The following TNS1 variants were observed in gnomAD, a reference collection of about 807,000 sequenced individuals.
TNS1 encodes the protein tensin-1.
TNS1 carries 62 observed loss-of-function variants against 168.6 expected under a neutral mutation model. The observed-to-expected ratio is 0.37, with a 90% confidence interval of 0.30 to 0.45. TNS1 has a LOEUF of 0.45. Among genes scored for constraint, TNS1 ranks in the 20% least tolerant of loss-of-function variants. TNS1 has a pLI of 1.00. For synonymous variants in TNS1, 934 were observed against 933.2 expected (o/e 1.00, Z -0.02); for missense variants, 2,240 against 2,339.4 (o/e 0.96, Z 0.88).
intron 19 of TNS1, among the ~76,000 whole-genome samples, chr2:217,840,940 G>A (rs1945866385): frequency 6.6e-6 from 1 of 152,194 alleles, no homozygotes; most frequent in South Asian, 2.1e-4. Context: ...AGACAGGAGG[G>A]AGAGAGGGCT....
rs960544417 is a variant in TNS1 at position 217,803,402 on chromosome 2, G to A, written c.*1057C>T. ...TGAAACCCAATAACAAGGCTGAGAG[G>A]TGGGAGCTAAGGCAGAGTCCAGGGC... On this transcript the variant is annotated 3_prime_UTR_variant, in exon 33 of 33. Transcript: ENST00000682258. The A allele has an allele frequency of 6.6e-6, 1 of 152,332 alleles. No homozygotes were observed. The highest frequency in any genetic ancestry group is 1.5e-5 in the Non-Finnish European group (1 of 68,152). 9.4% of individuals were successfully genotyped at this position (152,332 alleles called of 1,614,324 possible). A position where few individuals can be genotyped will look rare whatever the true frequency, so the allele number is the denominator to read the frequency against.
At chr2:217,957,535 G>A (rs1957395548) in intron 3 of TNS1, among the ~76,000 whole-genome samples, 1 of 152,152 alleles carries the variant, frequency 6.6e-6, no homozygotes, top group Non-Finnish European at 1.5e-5. Flanking sequence ...GAAGATGGTG[G>A]CAATGATATA....
In TNS1 at chr2:217,894,993, GC is replaced by G. The variant is rs1952130890; in HGVS notation, c.594+12del. 1.9e-6 allele frequency: 3 copies of G among 1,612,538 alleles called. No individual in the cohort carries two copies. Among genetic ancestry groups the G allele is most frequent in the Non-Finnish European group, 2.5e-6 (3 of 1,179,472 alleles). On this transcript the variant is annotated intron_variant, in intron 9 of 32. Transcript: ENST00000682258. ...CCTTCTCCTCCCCTACCCCAAAACA[GC>G]CCCTGGCTCACCTTGGCATGGAGCT...
intron 3 of TNS1, among the ~76,000 whole-genome samples, chr2:217,973,297 C>T (rs144839047): frequency 0.013 from 1,953 of 147,680 alleles, 48 homozygotes; most frequent in African/African-American, 0.045. Flanking sequence ...GCCCATGAAA[C>T]TGAGGCTGCA....
chr2:217,827,315 C>T (rs1274191586), intron 22 of TNS1, among the ~76,000 whole-genome samples: 3 of 152,172 alleles, frequency 2.0e-5, no homozygotes, highest in Non-Finnish European at 4.4e-5. Flanking sequence ...TTCCCCAAGC[C>T]GAATAATCCT....
chr2:217,919,818 C>T (rs559253793), intron 4 of TNS1, among the ~76,000 whole-genome samples: 1 of 152,282 alleles, frequency 6.6e-6, no homozygotes, highest in African/African-American at 2.4e-5. Context: ...TGAGGGTCAT[C>T]CCCCGCCTCC....
At chr2:217,891,804 C>T (rs1384175871) in intron 11 of TNS1, among the ~76,000 whole-genome samples, 1 of 152,142 alleles carries the variant, frequency 6.6e-6, no homozygotes, top group East Asian at 1.9e-4. Flanking sequence ...TCCCATCCTT[C>T]CTCTTCTCTC....
intron 3 of TNS1, among the ~76,000 whole-genome samples, chr2:217,961,773 T>C (rs1957503190): frequency 6.6e-6 from 1 of 152,122 alleles, no homozygotes; most frequent in Admixed American, 6.5e-5. Context: ...TTTTGCTGAG[T>C]GTGATGATGA....
At chr2:217,971,577 G>A (rs896759468) in intron 3 of TNS1, among the ~76,000 whole-genome samples, 3 of 152,130 alleles carry the variant, frequency 2.0e-5, no homozygotes, top group Admixed American at 6.5e-5. Context: ...TACTTCTCTC[G>A]GATAAATATC....
chr2:217,897,549 AGCACACACAT>A (rs1469057944), intron 8 of TNS1, among the ~76,000 whole-genome samples: 4 of 152,224 alleles, frequency 2.6e-5, no homozygotes, highest in Non-Finnish European at 5.9e-5. Context: ...TCTCCTGGCC[AGCACACACAT>A]GCACACACAG....
chr2:218,010,083 T>C lies in TNS1; in HGVS notation c.96+17A>G, dbSNP rs1958692365. 1.0e-5 allele frequency: 4 copies of C among 397,294 alleles called. No homozygotes were observed. In the South Asian group the frequency reaches 5.1e-4, roughly 51 times the overall value. 24.6% of individuals were successfully genotyped at this position (397,294 alleles called of 1,614,324 possible). On this transcript the variant is annotated intron_variant, in intron 1 of 32. Transcript: ENST00000646520. ...GGGGGGGGTCGGAAGGGGCCAGGTGTGGCCGAGAGCATTTACCTGGCTGCG... is the reference window on the plus strand; with the variant it reads ...GGGGGGGGTCGGAAGGGGCCAGGTGCGGCCGAGAGCATTTACCTGGCTGCG...
chr2:217,956,108 C>T (rs1390465878), intron 3 of TNS1, among the ~76,000 whole-genome samples: 2 of 152,090 alleles, frequency 1.3e-5, no homozygotes, highest in Non-Finnish European at 2.9e-5. Flanking sequence ...GCTCCCCCAC[C>T]CAGGGGTCAA....
At chr2:218,015,680 C>G (rs1449487079) in intron 1 of TNS1, among the ~76,000 whole-genome samples, 2 of 152,134 alleles carry the variant, frequency 1.3e-5, no homozygotes, top group Non-Finnish European at 2.9e-5. Context: ...CTGAGAATCC[C>G]AGGTCCTCTG....
At chr2:217,879,779 C>T (rs1012712666) in intron 18 of TNS1, among the ~76,000 whole-genome samples, 4 of 152,166 alleles carry the variant, frequency 2.6e-5, no homozygotes, top group Non-Finnish European at 4.4e-5. Context: ...GAAGACAGCG[C>T]CGTGTAGAGG....
chr2:217,956,399 G>A (rs1466402153), intron 3 of TNS1, among the ~76,000 whole-genome samples: 1 of 151,704 alleles, frequency 6.6e-6, no homozygotes, highest in Non-Finnish European at 1.5e-5. Context: ...AGAGTCCTGA[G>A]GGGCGCAGCA....
chr2:217,960,417 G>C (rs925507679), intron 3 of TNS1, among the ~76,000 whole-genome samples: 1 of 152,142 alleles, frequency 6.6e-6, no homozygotes, highest in African/African-American at 2.4e-5. Flanking sequence ...ACCAGTGGGG[G>C]ACTCAGTCTC....
Position 217,818,402 on chromosome 2 carries a change from G to C in TNS1, c.3930C>G (p.Ala1310=). 1 of 1,614,168 alleles carries C rather than the reference G, an allele frequency of 6.2e-7. No homozygotes were observed. The highest frequency in any genetic ancestry group is 8.5e-7 in the Non-Finnish European group (1 of 1,180,012). Residue 1310 remains alanine, a synonymous_variant, in exon 24 of 33, where the codon GCC becomes GCG. Coordinates refer to ENST00000682258, the MANE Select transcript of TNS1 (RefSeq NM_001387777.1). ...GATGGCTCAAACTGGGACTGCTGGG[G>C]GCAGCCATGCTGGGATTGATGGCCC... ...GWRAINPSMA[A]PSSPSLSHHQ... is the part of the protein sequence containing the mutation.
chr2:217,947,239 T>A (rs7566469), intron 3 of TNS1, among the ~76,000 whole-genome samples: 17,669 of 151,728 alleles, frequency 0.12, 1,104 homozygotes, highest in Middle Eastern at 0.18. Context: ...GCCTGGGGGT[T>A]TCTCATAAAA....
chr2:217,832,294 C>A (rs569817757), intron 21 of TNS1, among the ~76,000 whole-genome samples: 86 of 152,242 alleles, frequency 5.6e-4, no homozygotes, highest in African/African-American at 2.0e-3. Context: ...ATCTGGGTTA[C>A]AAGTGTCATG....
Sources: allele counts gnomAD v4.1 joint callset (sites outside exome capture counted in the v4.1 genomes callset), GRCh38; gene constraint gnomAD v4.1.1; transcripts MANE v1.5; gene names NCBI Gene and HGNC (gene_info 2026-07-23, HGNC 2026-07-21).